The following KIAA1549 variants were observed in gnomAD, a reference collection of about 807,000 sequenced individuals.
The protein encoded by KIAA1549 is UPF0606 protein KIAA1549.
A neutral mutation model predicts 156.4 loss-of-function variants in KIAA1549; 70 were observed. The observed-to-expected ratio is 0.45, with a 90% CI of 0.37 to 0.55. The LOEUF is 0.55. KIAA1549 is among the 20% of genes least tolerant of loss of function. The pLI is 0.00. For missense variants in KIAA1549, 2,428 were observed against 2,540.9 expected (o/e 0.96, Z 0.96); for synonymous variants, 1,103 against 1,066.4 (o/e 1.03, Z -0.67).
At chr7:138,980,947 A>C in intron 1 of KIAA1549, 136 bp downstream of exon 1, 1 of 815,994 alleles carries the variant, frequency 1.2e-6, no homozygotes, top group Non-Finnish European at 1.6e-6. Flanking sequence ...AAGAATGGCA[A>C]AGCATCTTCC....
chr7:138,981,023 C>G lies in KIAA1549; in HGVS notation c.187+60G>C. The G allele has an allele frequency of 1.7e-6, 2 of 1,199,776 alleles. No individual in the cohort carries two copies. The highest frequency in any genetic ancestry group is 2.1e-6 in the Non-Finnish European group (2 of 965,550). The allele number at this position is 1,199,776 out of a possible 1,614,324, so 74.3% of individuals were successfully genotyped here. On this transcript the variant is annotated intron_variant, in intron 1 of 19. Coordinates refer to ENST00000422774, the MANE Select transcript of KIAA1549 (RefSeq NM_001164665.2). This position sits in a 1 kb window ranked among gnomAD's most constrained non-coding sequence, Gnocchi z 4.5. ...GCGGGGAAAGCCGGGGTTTTGAAAA[C>G]AGCAGCGATAAAGGCAGGCGGGGTC...
chr7:138,837,889 C>A lies in KIAA1549; in HGVS notation c.*17G>T, dbSNP rs1809778151. The A allele has an allele frequency of 1.2e-6, 2 of 1,610,088 alleles. No individual in the cohort carries two copies. Among genetic ancestry groups the A allele is most frequent in the Non-Finnish European group, 1.7e-6 (2 of 1,178,280 alleles). On this transcript the variant is annotated 3_prime_UTR_variant, in exon 20 of 20. Transcript: ENST00000422774. ...CACAGGAAGCGGATACTTGGCAAAT[C>A]TGCGAGGCGAGGCCGATCAGCTGTG...
chr7:138,871,295 C>G lies in KIAA1549; in HGVS notation c.4413G>C (p.Arg1471Ser). ...GGCTAGCCTCCGGGGGGCGGGAGAT[C>G]CTGTCCACGTGCTCGAAGATGGAGG... ...SSASIFEHVD[R>S]ISRPPEASRR... is the part of the protein sequence containing the mutation. Residue 1471 changes from arginine to serine, a missense_variant, in exon 13 of 20, where the codon AGG becomes AGC. By Grantham distance (110) the Arg-to-Ser change is moderately radical. Coordinates refer to ENST00000422774, the MANE Select transcript of KIAA1549 (RefSeq NM_001164665.2). 1 of 1,608,516 alleles carries G rather than the reference C, an allele frequency of 6.2e-7. No individual in the cohort carries two copies.
intron 14 of KIAA1549, among the ~76,000 whole-genome samples, chr7:138,868,942 C>G (rs1810836111): frequency 6.6e-6 from 1 of 152,178 alleles, no homozygotes; most frequent in African/African-American, 2.4e-5. Flanking sequence ...ACCCACCTGG[C>G]AGGCAATAAG....
At chr7:138,928,562 T>C (rs777293436) in intron 1 of KIAA1549, among the ~76,000 whole-genome samples, 1 of 152,214 alleles carries the variant, frequency 6.6e-6, no homozygotes, top group Non-Finnish European at 1.5e-5. Flanking sequence ...GCTGGGATTG[T>C]AGGCATGAGC....
Position 138,915,919 on chromosome 7 carries a change from T to A in KIAA1549, c.2878+829A>T, listed in dbSNP as rs1812304780. Among the ~76,000 whole-genome samples, 3 of 152,300 alleles carry A rather than the reference T, an allele frequency of 2.0e-5. 1 individual carries two copies. The South Asian group carries it at 6.2e-4, about 32-fold the overall frequency. On this transcript the variant is annotated intron_variant, in intron 2 of 19. Coordinates refer to ENST00000422774, the MANE Select transcript of KIAA1549 (RefSeq NM_001164665.2). ...ACATGACCCTTGAAATCAGTCTACC[T>A]CTCAGGCATGCCCTCAGGTGGGCAC...
At chr7:138,838,216 A>G (rs952379043) in intron 19 of KIAA1549, 56 bp from the exon 20 acceptor site, 12 of 1,438,716 alleles carry the variant, frequency 8.3e-6, no homozygotes, top group Non-Finnish European at 1.1e-5. Context: ...CCGAAACATC[A>G]AATGCAAACT....
intron 14 of KIAA1549, 116 bp from the exon 15 acceptor site, chr7:138,868,244 A>G (rs1810812868): frequency 1.0e-6 from 1 of 985,538 alleles, no homozygotes; most frequent in African/African-American, 1.6e-5. Flanking sequence ...GAAACACCCC[A>G]TAGGATATAA....
chr7:138,866,046 A>C (rs1412650968), intron 15 of KIAA1549, among the ~76,000 whole-genome samples: 2 of 152,158 alleles, frequency 1.3e-5, no homozygotes, highest in Non-Finnish European at 2.9e-5. Context: ...CAGATGCCCA[A>C]ATACCCCCAG....
intron 1 of KIAA1549, among the ~76,000 whole-genome samples, chr7:138,963,956 T>C (rs1174654770): frequency 1.3e-5 from 2 of 152,202 alleles, no homozygotes; most frequent in Non-Finnish European, 1.5e-5. Flanking sequence ...AAAAATATTA[T>C]CCTCACTGGT....
At chr7:138,906,894 G>A (rs777229658) in intron 6 of KIAA1549, 25 bp downstream of exon 6, 1 of 1,424,392 alleles carries the variant, frequency 7.0e-7, no homozygotes, top group Non-Finnish European at 9.3e-7. Context: ...CACCTCCCCA[G>A]CATGTCCAAG....
At chr7:138,928,912 A>T (rs1812795575) in intron 1 of KIAA1549, among the ~76,000 whole-genome samples, 1 of 151,418 alleles carries the variant, frequency 6.6e-6, no homozygotes, top group Non-Finnish European at 1.5e-5. Flanking sequence ...AATAAAAAAT[A>T]CATTAAAAAA....
chr7:138,861,879 A>T (rs901785706), intron 15 of KIAA1549, among the ~76,000 whole-genome samples: 3 of 151,968 alleles, frequency 2.0e-5, no homozygotes, highest in Non-Finnish European at 4.4e-5. Flanking sequence ...TCAAAAAAAT[A>T]AAAAAATGAC....
intron 9 of KIAA1549, 120 bp downstream of exon 9, chr7:138,898,835 C>T: frequency 2.4e-6 from 2 of 836,408 alleles, no homozygotes; most frequent in African/African-American, 1.7e-5. Context: ...ACAACTGGCA[C>T]TTCACCATCA....
chr7:138,872,624 G>T (rs1810972919), intron 12 of KIAA1549, among the ~76,000 whole-genome samples: 1 of 152,210 alleles, frequency 6.6e-6, no homozygotes, highest in Non-Finnish European at 1.5e-5. Context: ...AGATCAACTG[G>T]CCAGGCACAA....
At chr7:138,967,458 A>G (rs1814064217) in intron 1 of KIAA1549, among the ~76,000 whole-genome samples, 1 of 152,238 alleles carries the variant, frequency 6.6e-6, no homozygotes, top group South Asian at 2.1e-4. Context: ...CAGCAAGTAC[A>G]AATGATTGCA....
rs59419813 is a variant in KIAA1549 at position 138,833,652 on chromosome 7, TATAG to T, written c.*4250_*4253del. 6,749 of 232,376 alleles carry T rather than the reference TATAG, an allele frequency of 0.029. 319 individuals carry two copies. Among genetic ancestry groups the T allele is most frequent in the African/African-American group, 0.11 (5,079 of 45,304 alleles). 14.4% of individuals were successfully genotyped at this position (232,376 alleles called of 1,614,324 possible). ...TAGCAGTAAAGAAGCTGAATATATA[TATAG>T]ATAGATAGACAGATACATAGACAGA... On this transcript the variant is annotated 3_prime_UTR_variant, in exon 20 of 20. Transcript: ENST00000422774.
At chr7:138,847,770 A>G (rs537184930) in intron 17 of KIAA1549, among the ~76,000 whole-genome samples, 1 of 152,224 alleles carries the variant, frequency 6.6e-6, no homozygotes, top group Non-Finnish European at 1.5e-5. Flanking sequence ...CGGTTTCCAC[A>G]TATTAAAAAG....
At chr7:138,910,485 C>CCTCCTGGGTTCAAGTGATT (rs1208303023) in intron 4 of KIAA1549, among the ~76,000 whole-genome samples, 1 of 151,064 alleles carries the variant, frequency 6.6e-6, no homozygotes, top group Non-Finnish European at 1.5e-5. Flanking sequence ...GCAGTCTCCA[C>CCTCCTGGGTTCAAGTGATT]CTCCTGGGTT....
Sources: gnomAD v4.1 joint callset for allele counts (sites outside exome capture counted in the v4.1 genomes callset) on GRCh38, gnomAD v4.1.1 for gene constraint, Gnocchi (gnomAD v3.1) non-coding constraint, MANE v1.5 for transcripts, NCBI Gene and HGNC (gene_info 2026-07-23, HGNC 2026-07-21) for gene names.